Variants in WDR20 observed in about 807,000 individuals in gnomAD.
WDR20 encodes WD repeat-containing protein 20.
A neutral mutation model predicts 38.7 loss-of-function variants in WDR20; 3 were observed. The ratio of observed to expected loss-of-function variants is 0.08; its 90% CI spans 0.04 to 0.20. The LOEUF (loss-of-function observed/expected upper bound fraction) is 0.20, where lower values mean the gene tolerates loss of function less well. Among genes scored for constraint, WDR20 ranks in the 10% least tolerant of loss-of-function variants. WDR20 has a pLI of 1.00. For synonymous variants in WDR20, 298 were observed against 285.6 expected (o/e 1.04, Z -0.44); for missense variants, 559 against 727.7 (o/e 0.77, Z 2.67).
intron 1 of WDR20, chr14:102,193,534 C>T (rs1000306377): frequency 3.3e-5 from 53 of 1,610,506 alleles, no homozygotes; most frequent in Middle Eastern, 1.9e-4. Flanking sequence ...GGAGAGTGTC[C>T]GCATGGCATG....
intron 1 of WDR20, among the ~76,000 whole-genome samples, chr14:102,140,548 C>G (rs1422860373): frequency 6.6e-6 from 1 of 152,126 alleles, no homozygotes. Context: ...CCTCGCCTCC[C>G]TGGAGGGTTG....
chr14:102,199,047 G>A (rs1046961794), intron 2 of WDR20, among the ~76,000 whole-genome samples: 1 of 152,158 alleles, frequency 6.6e-6, no homozygotes, highest in African/African-American at 2.4e-5. Context: ...GAACAAAGAA[G>A]GCCTGGGTCT....
At chr14:102,166,301 A>G (rs1035326867) in intron 1 of WDR20, among the ~76,000 whole-genome samples, 3 of 152,076 alleles carry the variant, frequency 2.0e-5, no homozygotes, top group Non-Finnish European at 2.9e-5. Context: ...ATTTATTTGC[A>G]TTGTGTGGTC....
Position 102,201,067 on chromosome 14 carries a change from A to G in WDR20, c.432+5947A>G, listed in dbSNP as rs117906389. 1.4e-4 allele frequency among the ~76,000 whole-genome samples: 22 copies of G among 152,370 alleles called. No individual in the cohort carries two copies. In the East Asian group the frequency reaches 4.2e-3, roughly 29 times the overall value. On this transcript the variant is annotated intron_variant, in intron 2 of 2. Coordinates refer to ENST00000342702, the MANE Select transcript of WDR20 (RefSeq NM_144574.4). ...TTGATTTTCTAATCGAAGGAAGGAA[A>G]TGAGCCCGTAATGATCTACTCCTTA...
chr14:102,222,446 G>C lies in WDR20; in HGVS notation c.1693-384G>C, dbSNP rs2153072385. ...ACTGGGTGTGCGGTCCAGAACTGCG[G>C]TGCCCTGGGCTCAACCCTGGCTGAA... On this transcript the variant is annotated intron_variant, in intron 3 of 3. Transcript: ENST00000335263. The surrounding 1 kb of genome is among the most constrained non-coding windows in gnomAD (Gnocchi z 4.4). 6.6e-6 allele frequency among the ~76,000 whole-genome samples: 1 copy of C among 152,312 alleles called. No homozygotes were observed. Among genetic ancestry groups the C allele is most frequent in the Non-Finnish European group, 1.5e-5 (1 of 68,022 alleles).
chr14:102,215,315 A>G (rs115502989), downstream of WDR20, among the ~76,000 whole-genome samples: 702 of 152,334 alleles, frequency 4.6e-3, 5 homozygotes, highest in African/African-American at 0.016. Flanking sequence ...ATGAGAATGC[A>G]GACATTCTGA....
At position 102,220,951 on chromosome 14, in the gene WDR20, G is replaced by A. The variant is rs2063820364; in HGVS notation, c.1693-1879G>A. Among the ~76,000 whole-genome samples the A allele has an allele frequency of 6.6e-6, 1 of 152,112 alleles. No individual in the cohort carries two copies. The highest frequency in any genetic ancestry group is 2.4e-5 in the African/African-American group (1 of 41,422). On this transcript the variant is annotated intron_variant, in intron 3 of 3. Transcript: ENST00000335263. This position sits in a 1 kb window ranked among gnomAD's most constrained non-coding sequence, Gnocchi z 4.2. The stretch of plus-strand genomic sequence containing the variant: ...ACACCCGGCTAATTTTGTATTAGTA[G>A]AGATGGAGTTTCACCATGTTGGCCA...
chr14:102,201,690 GA>G (rs1342878081), intron 2 of WDR20, among the ~76,000 whole-genome samples: 6 of 152,224 alleles, frequency 3.9e-5, no homozygotes, highest in Non-Finnish European at 7.3e-5. Flanking sequence ...CAGGTGTCTT[GA>G]CGTACATAGA....
At chr14:102,172,591 CACTT>C (rs2061110749) in intron 1 of WDR20, among the ~76,000 whole-genome samples, 1 of 148,234 alleles carries the variant, frequency 6.7e-6, no homozygotes. Flanking sequence ...AGGGGCTCCT[CACTT>C]CCCAGTAGGG....
chr14:102,200,457 A>T lies in WDR20; in HGVS notation c.432+5337A>T, dbSNP rs74245768. 4.9e-3 allele frequency among the ~76,000 whole-genome samples: 543 copies of T among 111,018 alleles called. 10 individuals are homozygous for T. Among genetic ancestry groups the T allele is most frequent in the Admixed American group, 0.027 (321 of 11,742 alleles). The allele number at this position is 111,018 out of a possible 152,430, so 72.8% of individuals were successfully genotyped here. On this transcript the variant is annotated intron_variant, in intron 2 of 2. Transcript: ENST00000342702. ...CAGGGGCGAGGAGTTTACTTTTTAA[A>T]TTTTTTTTTTTGTGTGTGTGTGTGT... is the stretch of plus-strand genomic sequence containing the variant.
chr14:102,200,463 T>TGTGTGTGTGTG (rs1567022952), intron 2 of WDR20, among the ~76,000 whole-genome samples: 2 of 99,628 alleles, frequency 2.0e-5, no homozygotes, highest in African/African-American at 1.0e-4. Flanking sequence ...TTAAATTTTT[T>TGTGTGTGTGTG]TTTTTGTGTG....
intron 1 of WDR20, among the ~76,000 whole-genome samples, chr14:102,163,578 A>G (rs1018162283): frequency 7.6e-6 from 1 of 131,176 alleles, no homozygotes; most frequent in South Asian, 2.5e-4. Context: ...CAGTGAGCCA[A>G]GATTGCGCCG....
At chr14:102,168,914 G>T (rs979634760) in intron 1 of WDR20, among the ~76,000 whole-genome samples, 2 of 152,166 alleles carry the variant, frequency 1.3e-5, no homozygotes, top group South Asian at 2.1e-4. Flanking sequence ...CTTACAGTCT[G>T]TTCTCCTGAT....
intron 1 of WDR20, 21 bp from the exon 2 acceptor site, chr14:102,194,915 GTA>G: frequency 6.2e-7 from 1 of 1,611,168 alleles, no homozygotes. Flanking sequence ...TTTACTGTAT[GTA>G]TTTTTCTCTT....
chr14:102,147,763 C>T (rs571106516), intron 1 of WDR20, among the ~76,000 whole-genome samples: 5 of 152,188 alleles, frequency 3.3e-5, no homozygotes, highest in Admixed American at 3.3e-4. Context: ...CAGAGTCTCA[C>T]TCTATTCCCC....
downstream of WDR20, among the ~76,000 whole-genome samples, chr14:102,212,126 T>A (rs141498533): frequency 1.3e-5 from 2 of 152,310 alleles, no homozygotes; most frequent in Non-Finnish European, 2.9e-5. Flanking sequence ...AGGTTATGTT[T>A]CCTTTGAAAA....
chr14:102,208,606 C>T lies in WDR20; in HGVS notation c.436C>T (p.Leu146=). 6.2e-7 allele frequency: 1 copy of T among 1,604,346 alleles called. No individual in the cohort carries two copies. Among genetic ancestry groups the T allele is most frequent in the Non-Finnish European group, 8.5e-7 (1 of 1,172,818 alleles). ...TTGTTCTCCTTTGTCTTCACAGAGA[C>T]TAATAGACAAGTCACGAGTTACCTG... ...ETSKLFNEER[L]IDKSRVTCVK... is the part of the protein sequence containing the mutation. The change falls in exon 3 of 3, where the codon CTA becomes TTA. Residue 146 remains leucine, a synonymous_variant. Transcript: ENST00000342702. The surrounding 1 kb of genome is among the most constrained non-coding windows in gnomAD (Gnocchi z 5.6).
Position 102,222,285 on chromosome 14 carries a change from C to T in WDR20, c.1693-545C>T, listed in dbSNP as rs890689784. Reference sequence around the variant, plus strand: ...GGCCCTGCTGTCTCTACCTGTGGGGCCTACACATGTGGACAGCTACAGCCA... The same window carrying T: ...GGCCCTGCTGTCTCTACCTGTGGGGTCTACACATGTGGACAGCTACAGCCA... On this transcript the variant is annotated intron_variant, in intron 3 of 3. Coordinates refer to the WDR20 transcript ENST00000335263. This position sits in a 1 kb window ranked among gnomAD's most constrained non-coding sequence, Gnocchi z 4.4. Among the ~76,000 whole-genome samples, 2 of 152,338 alleles carry T rather than the reference C, an allele frequency of 1.3e-5. No homozygotes were observed. Among genetic ancestry groups the T allele is most frequent in the African/African-American group, 4.8e-5 (2 of 41,582 alleles).
At chr14:102,173,437 ATTATTATT>A (rs2061396917) in intron 1 of WDR20, among the ~76,000 whole-genome samples, 2 of 820 alleles carry the variant, frequency 2.4e-3, no homozygotes, top group South Asian at 0.091. Context: ...TTTTAAAATT[ATTATTATT>A]ATTATTATTA....
Sources: gnomAD v4.1 joint callset for allele counts (sites outside exome capture counted in the v4.1 genomes callset) on GRCh38, gnomAD v4.1.1 for gene constraint, Gnocchi (gnomAD v3.1) non-coding constraint, MANE v1.5 for transcripts, NCBI Gene and HGNC (gene_info 2026-07-23, HGNC 2026-07-21) for gene names.